Variants in PDSS2 observed in about 807,000 individuals in gnomAD.
PDSS2 encodes all trans-polyprenyl-diphosphate synthase PDSS2.
A neutral mutation model predicts 44.5 loss-of-function variants in PDSS2; 31 were observed. The ratio of observed to expected loss-of-function variants is 0.70; its 90% CI spans 0.52 to 0.94. The LOEUF (loss-of-function observed/expected upper bound fraction) is 0.94. Ranked by LOEUF, PDSS2 falls within the 40% of genes least tolerant of loss-of-function variation. The pLI is 0.00. For missense variants in PDSS2, 452 were observed against 482.2 expected (o/e 0.94, Z 0.59); for synonymous variants, 157 against 180.3 (o/e 0.87, Z 1.03).
At chr6:107,410,805 T>C (rs1172147327) in intron 1 of PDSS2, among the ~76,000 whole-genome samples, 1 of 151,764 alleles carries the variant, frequency 6.6e-6, no homozygotes, top group East Asian at 1.9e-4. Flanking sequence ...ATCTACCCTG[T>C]TTTTTTTCAC....
rs1329246109 is a variant in PDSS2, at chr6:107,154,295, G to A, written c.*324C>T. The A allele has an allele frequency of 2.0e-5, 7 of 347,816 alleles. No individual in the cohort carries two copies. Among genetic ancestry groups the A allele is most frequent in the South Asian group, 4.9e-5 (2 of 40,774 alleles). The allele number at this position is 347,816 out of a possible 1,614,324, so 21.5% of individuals were successfully genotyped here. On this transcript the variant is annotated 3_prime_UTR_variant, in exon 8 of 8. Coordinates refer to ENST00000369037, the MANE Select transcript of PDSS2 (RefSeq NM_020381.4). Reference sequence around the variant, plus strand: ...AAAAACCACAGGCCACCGCCCTGGCGCCATCCCTGGCTCGGTCCAATCAAT... The same window carrying A: ...AAAAACCACAGGCCACCGCCCTGGCACCATCCCTGGCTCGGTCCAATCAAT...
intron 1 of PDSS2, among the ~76,000 whole-genome samples, chr6:107,343,065 C>T (rs1309537213): frequency 2.0e-5 from 3 of 152,182 alleles, no homozygotes; most frequent in Admixed American, 6.5e-5. Context: ...ATCCTCTCGC[C>T]TTGGCCTTCC....
chr6:107,430,112 T>C (rs1263648566), intron 1 of PDSS2, among the ~76,000 whole-genome samples: 1 of 151,742 alleles, frequency 6.6e-6, no homozygotes, highest in African/African-American at 2.4e-5. Context: ...ATTTTCTATT[T>C]TGTGGGGGTT....
intron 1 of PDSS2, among the ~76,000 whole-genome samples, chr6:107,442,792 C>G (rs9486619): frequency 0.14 from 21,236 of 152,216 alleles, 1,614 homozygotes; most frequent in East Asian, 0.25. Context: ...ACCAACCTCA[C>G]TTCACAAATG....
At chr6:107,279,074 G>C (rs1294047385) in intron 2 of PDSS2, among the ~76,000 whole-genome samples, 1 of 152,056 alleles carries the variant, frequency 6.6e-6, no homozygotes, top group Non-Finnish European at 1.5e-5. Flanking sequence ...ACAAAAATTG[G>C]CTGGACATGG....
intron 7 of PDSS2, among the ~76,000 whole-genome samples, chr6:107,163,048 A>C (rs1554246975): frequency 2.0e-5 from 3 of 152,190 alleles, no homozygotes; most frequent in Non-Finnish European, 4.4e-5. Flanking sequence ...TTGTTATGAC[A>C]CTTTAATCTT....
rs117774347 is a variant in PDSS2 at position 107,453,060 on chromosome 6, A to G, written c.296+5930T>C. 8.0e-3 allele frequency among the ~76,000 whole-genome samples: 1,209 copies of G among 151,258 alleles called. 50 individuals are homozygous for G. In the East Asian group the frequency reaches 0.12, roughly 15 times the overall value. On this transcript the variant is annotated intron_variant, in intron 1 of 7. Transcript: ENST00000369037. ...GCTTACCTAGCCCTAGGTCCTGAAGATGTTATCCTATGTTTTCTTTTTTTT... is the reference window on the plus strand; with the variant it reads ...GCTTACCTAGCCCTAGGTCCTGAAGGTGTTATCCTATGTTTTCTTTTTTTT...
intron 3 of PDSS2, among the ~76,000 whole-genome samples, chr6:107,251,149 C>T (rs189983549): frequency 7.6e-4 from 116 of 152,218 alleles, no homozygotes; most frequent in Middle Eastern, 3.4e-3. Context: ...CCACCGCACC[C>T]GGCCACAAGG....
chr6:107,168,111 T>TA (rs1771421306), intron 7 of PDSS2, among the ~76,000 whole-genome samples: 1 of 152,210 alleles, frequency 6.6e-6, no homozygotes, highest in African/African-American at 2.4e-5. Context: ...TGTGGGAGTC[T>TA]AAGTCTCTTT....
intron 1 of PDSS2, among the ~76,000 whole-genome samples, chr6:107,388,447 ATTT>A (rs147100917): frequency 2.9e-5 from 4 of 137,256 alleles, no homozygotes; most frequent in Admixed American, 7.3e-5. Flanking sequence ...GTGCATGTGA[ATTT>A]TTTTTTTTTT....
rs371733995 is a variant in PDSS2 at position 107,359,624 on chromosome 6, T to TA, written c.297-25293dup. ...GGGTGACAGAGCAAAAGAATGTGTTTAAAAAAAAAAAAAAAAGGGAGAGAG... is the reference window on the plus strand; with the variant it reads ...GGGTGACAGAGCAAAAGAATGTGTTTAAAAAAAAAAAAAAAAAGGGAGAGAG... On this transcript the variant is annotated intron_variant, in intron 1 of 7. Coordinates refer to ENST00000369037, the MANE Select transcript of PDSS2 (RefSeq NM_020381.4). Among the ~76,000 whole-genome samples the TA allele has an allele frequency of 0.012, 1,523 of 126,994 alleles. 47 individuals carry two copies. In the East Asian group the frequency reaches 0.12, roughly 10 times the overall value. 83.3% of individuals were successfully genotyped at this position (126,994 alleles called of 152,430 possible).
intron 7 of PDSS2, among the ~76,000 whole-genome samples, chr6:107,188,710 G>A (rs1358444305): frequency 6.6e-6 from 1 of 152,106 alleles, no homozygotes; most frequent in Non-Finnish European, 1.5e-5. Flanking sequence ...TGACGAGTGA[G>A]TTCTCACTCA....
chr6:107,420,187 C>T (rs1780780859), intron 1 of PDSS2, among the ~76,000 whole-genome samples: 1 of 152,184 alleles, frequency 6.6e-6, no homozygotes, highest in African/African-American at 2.4e-5. Flanking sequence ...TTAGGAATCA[C>T]TTCCTATTCC....
At chr6:107,156,355 C>T (rs1022050084) in intron 7 of PDSS2, among the ~76,000 whole-genome samples, 54 of 151,942 alleles carry the variant, frequency 3.6e-4, no homozygotes, top group Admixed American at 3.1e-3. Flanking sequence ...CCACCATGCC[C>T]GGCTAATTTT....
At chr6:107,400,004 C>T (rs1399593696) in intron 1 of PDSS2, among the ~76,000 whole-genome samples, 3 of 151,994 alleles carry the variant, frequency 2.0e-5, no homozygotes, top group South Asian at 2.1e-4. Context: ...AAAATAAGAG[C>T]GGGCAGCAGC....
At chr6:107,180,559 T>C (rs532999639) in intron 7 of PDSS2, among the ~76,000 whole-genome samples, 4 of 152,256 alleles carry the variant, frequency 2.6e-5, no homozygotes, top group African/African-American at 9.6e-5. Flanking sequence ...TCAACAAATA[T>C]TTATTGGGTA....
chr6:107,273,587 A>G (rs2114940796), intron 3 of PDSS2, among the ~76,000 whole-genome samples: 1 of 152,270 alleles, frequency 6.6e-6, no homozygotes, highest in East Asian at 1.9e-4. Context: ...ATGTAAGAAA[A>G]AATAGGCAGG....
chr6:107,353,976 A>G (rs1303605884), intron 1 of PDSS2, among the ~76,000 whole-genome samples: 1 of 152,236 alleles, frequency 6.6e-6, no homozygotes, highest in East Asian at 1.9e-4. Context: ...AACAGATGGT[A>G]AAGAGTGGTC....
chr6:107,338,290 T>C (rs1257326192), intron 1 of PDSS2, among the ~76,000 whole-genome samples: 6 of 152,194 alleles, frequency 3.9e-5, no homozygotes, highest in Admixed American at 3.9e-4. Context: ...TCAGTGCTTC[T>C]CTTAAGGGAC....
Sources: gnomAD v4.1 joint callset for allele counts (sites outside exome capture counted in the v4.1 genomes callset) on GRCh38, gnomAD v4.1.1 for gene constraint, MANE v1.5 for transcripts, NCBI Gene and HGNC (gene_info 2026-07-23, HGNC 2026-07-21) for gene names.